The following AJAP1 variants were observed in gnomAD, a reference collection of about 807,000 sequenced individuals.
AJAP1 encodes adherens junctions associated protein 1, also known as adherens junction-associated protein 1.
A neutral mutation model predicts 35.0 loss-of-function variants in AJAP1; 5 were observed. The ratio of observed to expected loss-of-function variants is 0.14; its 90% CI spans 0.07 to 0.30. The LOEUF (loss-of-function observed/expected upper bound fraction) is 0.30. Ranked by LOEUF, AJAP1 falls within the 10% of genes least tolerant of loss-of-function variation. The pLI, the probability that AJAP1 is intolerant of heterozygous loss-of-function variation, is 1.00. For synonymous variants in AJAP1, 284 were observed against 249.3 expected (o/e 1.14, Z -1.31); for missense variants, 586 against 571.0 (o/e 1.03, Z -0.27).
chr1:4,761,165 C>T (rs940007374), intron 2 of AJAP1, among the ~76,000 whole-genome samples: 1 of 152,216 alleles, frequency 6.6e-6, no homozygotes. Context: ...CTCTACCCAC[C>T]TCGTCCTCAC....
chr1:4,714,589 T>C (rs1031848747), intron 2 of AJAP1, among the ~76,000 whole-genome samples: 1 of 152,268 alleles, frequency 6.6e-6, no homozygotes, highest in Non-Finnish European at 1.5e-5. Flanking sequence ...TGGATGTTGC[T>C]AATCCATCTC....
intron 5 of AJAP1, among the ~76,000 whole-genome samples, chr1:4,780,131 C>CAAAAA (rs545412869): frequency 1.1e-5 from 1 of 92,196 alleles, no homozygotes; most frequent in African/African-American, 4.5e-5. Context: ...GTGACAGTCT[C>CAAAAA]AAAAAAAAAA....
At chr1:4,670,360 A>C (rs547897499) in intron 1 of AJAP1, among the ~76,000 whole-genome samples, 1 of 152,292 alleles carries the variant, frequency 6.6e-6, no homozygotes, top group African/African-American at 2.4e-5. Flanking sequence ...CCCCGGGATG[A>C]ATCTTATTCT....
intron 2 of AJAP1, among the ~76,000 whole-genome samples, chr1:4,743,247 T>A (rs1641111706): frequency 6.6e-6 from 1 of 151,874 alleles, no homozygotes; most frequent in Non-Finnish European, 1.5e-5. Flanking sequence ...TTTCATCAGG[T>A]CCCAAGGAGG....
At chr1:4,730,466 A>C (rs1436689769) in intron 2 of AJAP1, among the ~76,000 whole-genome samples, 1 of 151,956 alleles carries the variant, frequency 6.6e-6, no homozygotes, top group Non-Finnish European at 1.5e-5. Context: ...GATCCCTCTC[A>C]TTTTTACAAA....
At chr1:4,685,960 C>T (rs993729385) in intron 1 of AJAP1, among the ~76,000 whole-genome samples, 1 of 152,220 alleles carries the variant, frequency 6.6e-6, no homozygotes, top group African/African-American at 2.4e-5. Flanking sequence ...CCATCAAATG[C>T]ACCCCAAATT....
At chr1:4,744,893 A>G (rs1184293235) in intron 2 of AJAP1, among the ~76,000 whole-genome samples, 2 of 152,106 alleles carry the variant, frequency 1.3e-5, no homozygotes, top group Non-Finnish European at 2.9e-5. Context: ...CCCACCTGGG[A>G]CGCGGGGCTT....
chr1:4,721,553 T>A (rs937192368), intron 2 of AJAP1, among the ~76,000 whole-genome samples: 1 of 152,196 alleles, frequency 6.6e-6, no homozygotes, highest in African/African-American at 2.4e-5. Flanking sequence ...CATGGATGTG[T>A]CCTGAGACCA....
At chr1:4,739,067 A>T (rs148869806) in intron 2 of AJAP1, among the ~76,000 whole-genome samples, 1 of 152,124 alleles carries the variant, frequency 6.6e-6, no homozygotes. Flanking sequence ...TGCATTTTCC[A>T]TGGGCACCGG....
chr1:4,772,699 T>TAAACGAAA (rs1641864022), intron 4 of AJAP1, among the ~76,000 whole-genome samples, 174 bp downstream of exon 4: 1 of 152,236 alleles, frequency 6.6e-6, no homozygotes, highest in Non-Finnish European at 1.5e-5. Flanking sequence ...GAGGCAGGGT[T>TAAACGAAA]GATAGCAACA....
chr1:4,744,208 C>T (rs935613964), intron 2 of AJAP1, among the ~76,000 whole-genome samples: 17 of 152,330 alleles, frequency 1.1e-4, no homozygotes, highest in African/African-American at 3.8e-4. Flanking sequence ...TTGGCCACCA[C>T]ATGTTGATGG....
chr1:4,659,132 T>G (rs1330933863), intron 1 of AJAP1, among the ~76,000 whole-genome samples: 1 of 152,124 alleles, frequency 6.6e-6, no homozygotes, highest in Non-Finnish European at 1.5e-5. Context: ...CCTGACTGGA[T>G]TGCAAACAGC....
intron 2 of AJAP1, among the ~76,000 whole-genome samples, chr1:4,743,241 A>T (rs577543926): frequency 6.6e-6 from 1 of 152,308 alleles, no homozygotes; most frequent in East Asian, 1.9e-4. Context: ...TAGGAATTTC[A>T]TCAGGTCCCA....
intron 2 of AJAP1, among the ~76,000 whole-genome samples, chr1:4,721,507 GA>G (rs1473307284): frequency 3.3e-5 from 5 of 152,358 alleles, no homozygotes; most frequent in African/African-American, 1.2e-4. Context: ...TGTGATTTCA[GA>G]GACACACCCT....
In AJAP1 at chr1:4,784,569, CTTTTGT is replaced by C. The variant is rs1415470783; in HGVS notation, c.*2085_*2090del. On this transcript the variant is annotated 3_prime_UTR_variant, in exon 6 of 6. Coordinates refer to ENST00000378191, the MANE Select transcript of AJAP1 (RefSeq NM_018836.4). Reference sequence around the variant, plus strand: ...CCTTGTGATATGCTTCAGAAGTTCACTTTTGTATCTCCTGAAACATGTGAACCTAGA... The same window carrying C: ...CCTTGTGATATGCTTCAGAAGTTCACATCTCCTGAAACATGTGAACCTAGA... The C allele has an allele frequency of 6.6e-6, 1 of 152,202 alleles. No individual in the cohort carries two copies. The highest frequency in any genetic ancestry group is 1.5e-5 in the Non-Finnish European group (1 of 68,040). The allele number at this position is 152,202 out of a possible 1,614,324, so 9.4% of individuals were successfully genotyped here. A position where few individuals can be genotyped will look rare whatever the true frequency, so the allele number is the denominator to read the frequency against.
At position 4,785,284 on chromosome 1, in the gene AJAP1, A is replaced by G. The variant is rs1642143209; in HGVS notation, c.*2799A>G. On this transcript the variant is annotated 3_prime_UTR_variant, in exon 6 of 6. Transcript: ENST00000378191. The stretch of plus-strand genomic sequence containing the variant: ...TGAGACCCACACAGGCACAAACACC[A>G]GACAAGCAAGTGCATGCCCATTCCA... The G allele has an allele frequency of 6.6e-6, 1 of 152,230 alleles. No homozygotes were observed. The allele number at this position is 152,230 out of a possible 1,614,324, so 9.4% of individuals were successfully genotyped here. A position where few individuals can be genotyped will look rare whatever the true frequency, so the allele number is the denominator to read the frequency against.
chr1:4,705,514 C>T (rs1226185108), intron 1 of AJAP1, among the ~76,000 whole-genome samples: 1 of 145,318 alleles, frequency 6.9e-6, no homozygotes, highest in Non-Finnish European at 1.5e-5. Context: ...GGACTGCCTT[C>T]CCAGTGACAG....
chr1:4,765,698 T>C (rs1413562855), intron 2 of AJAP1, among the ~76,000 whole-genome samples: 1 of 152,190 alleles, frequency 6.6e-6, no homozygotes, highest in Non-Finnish European at 1.5e-5. Context: ...ATGGCTGAAA[T>C]AGTTCTAAGA....
chr1:4,734,985 C>A lies in AJAP1; in HGVS notation c.829+22286C>A, dbSNP rs957599269. On this transcript the variant is annotated intron_variant, in intron 2 of 5. Coordinates refer to ENST00000378191, the MANE Select transcript of AJAP1 (RefSeq NM_018836.4). The surrounding 1 kb of genome is among the most constrained non-coding windows in gnomAD (Gnocchi z 4.3). ...AGCTGAGCCGCGTGATGGAGCTCAG[C>A]CTGCAGCAGCCGTCTTCACCTCAAC... is the stretch of plus-strand genomic sequence containing the variant. Among the ~76,000 whole-genome samples, 5 of 152,246 alleles carry A rather than the reference C, an allele frequency of 3.3e-5. No individual in the cohort carries two copies. Among genetic ancestry groups the A allele is most frequent in the African/African-American group, 1.2e-4 (5 of 41,464 alleles).
Sources: gnomAD v4.1 joint callset for allele counts (sites outside exome capture counted in the v4.1 genomes callset) on GRCh38, gnomAD v4.1.1 for gene constraint, Gnocchi (gnomAD v3.1) non-coding constraint, MANE v1.5 for transcripts, NCBI Gene and HGNC (gene_info 2026-07-23, HGNC 2026-07-21) for gene names.